TENM4: variants seen among roughly 807,000 people sequenced by gnomAD.
The protein encoded by TENM4 is teneurin transmembrane protein 4.
In TENM4, 82 loss-of-function variants were observed where a neutral mutation model predicts 243.3. The observed-to-expected ratio is 0.34, with a 90% CI of 0.28 to 0.40. TENM4 has a LOEUF of 0.40. Among genes scored for constraint, TENM4 ranks in the 10% least tolerant of loss-of-function variants. The probability of loss-of-function intolerance (pLI) is 1.00; values close to 1 mark genes in which losing one functional copy is unlikely to be tolerated. For missense variants in TENM4, 3,138 were observed against 3,673.3 expected (o/e 0.85, Z 3.77); for synonymous variants, 1,412 against 1,456.3 (o/e 0.97, Z 0.69).
In TENM4 at chr11:79,148,385, G is replaced by A. The variant is rs2135050462; in HGVS notation, c.-66+325C>T. On this transcript the variant is annotated intron_variant, in intron 4 of 33. Coordinates refer to ENST00000278550, the MANE Select transcript of TENM4 (RefSeq NM_001098816.3). ...GATACCAACCTCCAAACCAGTCCCT[G>A]CAAGTTTCCAAGAACAGGCCAGGGA... Among the ~76,000 whole-genome samples the A allele has an allele frequency of 2.6e-5, 4 of 152,168 alleles. No individual in the cohort carries two copies. In the South Asian group the frequency reaches 8.3e-4, roughly 32 times the overall value.
chr11:79,190,755 A>T (rs1863462967), intron 3 of TENM4, among the ~76,000 whole-genome samples: 1 of 150,836 alleles, frequency 6.6e-6, no homozygotes, highest in Admixed American at 6.6e-5. Flanking sequence ...ATTACAGTTT[A>T]AAAAATATTT....
At chr11:79,377,025 T>A (rs1857905938) in intron 1 of TENM4, among the ~76,000 whole-genome samples, 1 of 152,228 alleles carries the variant, frequency 6.6e-6, no homozygotes, top group South Asian at 2.1e-4. Flanking sequence ...GGTTGGAGAC[T>A]AAATGCTATC....
chr11:79,342,300 G>C (rs115278003), intron 1 of TENM4, among the ~76,000 whole-genome samples: 1 of 152,204 alleles, frequency 6.6e-6, no homozygotes, highest in Admixed American at 6.5e-5. Context: ...CATGGACCGC[G>C]ATGAGATGAG....
chr11:79,409,101 TGCGCGCGCGCGCGTGC>T lies in TENM4; in HGVS notation c.-321+31392_-321+31407del, dbSNP rs1344086754. Among the ~76,000 whole-genome samples, 5 of 103,676 alleles carry T rather than the reference TGCGCGCGCGCGCGTGC, an allele frequency of 4.8e-5. 1 individual carries two copies. The highest frequency in any genetic ancestry group is 2.5e-4 in the East Asian group (1 of 4,012). 68.0% of individuals were successfully genotyped at this position (103,676 alleles called of 152,430 possible). A position where few individuals can be genotyped will look rare whatever the true frequency, so the allele number is the denominator to read the frequency against. Reference sequence around the variant, plus strand: ...GTGTGTGTGTGTGTGTGTGTGTGTGTGCGCGCGCGCGCGTGCGTGCACGCGCACGCACATGCGTGAG... The same window carrying T: ...GTGTGTGTGTGTGTGTGTGTGTGTGTGTGCACGCGCACGCACATGCGTGAG... On this transcript the variant is annotated intron_variant, in intron 1 of 33. Transcript: ENST00000278550.
At chr11:78,835,862 G>T (rs781364250) in intron 12 of TENM4, among the ~76,000 whole-genome samples, 1 of 152,224 alleles carries the variant, frequency 6.6e-6, no homozygotes, top group Non-Finnish European at 1.5e-5. Flanking sequence ...CAGACTTGAA[G>T]ATCCACTAGG....
chr11:78,755,329 T>C (rs1188801233), intron 19 of TENM4, among the ~76,000 whole-genome samples: 1 of 152,148 alleles, frequency 6.6e-6, no homozygotes, highest in African/African-American at 2.4e-5. Flanking sequence ...CACACCCAAC[T>C]AATTTTTGTT....
Position 78,669,885 on chromosome 11 carries a change from C to A in TENM4, c.6460G>T (p.Val2154Leu). The part of the protein sequence containing the change: ...HFDAYGRMKE[V>L]QYEIFRSLMY... The stretch of plus-strand genomic sequence containing the variant: ...AGCGAGCGGAAGATCTCATACTGCA[C>A]TTCCTTCATCCTGCCATATGCATCA... The change falls in exon 32 of 34, where the codon GTG (valine) becomes TTG (leucine). Residue 2154 changes from valine (V) to leucine (L), a missense_variant. Transcript: ENST00000278550. This position sits in a 1 kb window ranked among gnomAD's most constrained non-coding sequence, Gnocchi z 6.4. 1 of 1,613,860 alleles carries A rather than the reference C, an allele frequency of 6.2e-7. No individual in the cohort carries two copies. Among genetic ancestry groups the A allele is most frequent in the Non-Finnish European group, 8.5e-7 (1 of 1,179,856 alleles).
intron 1 of TENM4, among the ~76,000 whole-genome samples, chr11:79,345,041 T>C (rs1301220543): frequency 6.6e-6 from 1 of 152,234 alleles, no homozygotes; most frequent in African/African-American, 2.4e-5. Flanking sequence ...ATGGATTCTA[T>C]TTACTGTAAT....
intron 1 of TENM4, among the ~76,000 whole-genome samples, chr11:79,337,814 G>A (rs914283825): frequency 1.3e-5 from 2 of 152,124 alleles, no homozygotes; most frequent in African/African-American, 2.4e-5. Flanking sequence ...TCTGCCCCAT[G>A]CCATCGAAGG....
intron 7 of TENM4, among the ~76,000 whole-genome samples, chr11:78,900,381 C>G (rs897608535): frequency 6.6e-6 from 1 of 152,126 alleles, no homozygotes; most frequent in Non-Finnish European, 1.5e-5. Context: ...GTGAATGGGC[C>G]ATCACTTGTA....
chr11:79,013,768 G>C (rs1858706740), intron 6 of TENM4, among the ~76,000 whole-genome samples: 1 of 152,164 alleles, frequency 6.6e-6, no homozygotes, highest in African/African-American at 2.4e-5. Flanking sequence ...AGACCAGGAA[G>C]TCCTAGAGGA....
intron 14 of TENM4, among the ~76,000 whole-genome samples, chr11:78,807,018 G>A (rs892492137): frequency 2.0e-5 from 3 of 152,060 alleles, no homozygotes; most frequent in East Asian, 1.9e-4. Flanking sequence ...GTTGTGGCAC[G>A]GCCAGAATTT....
Position 79,036,829 on chromosome 11 carries a change from G to A in TENM4, c.493+27909C>T, listed in dbSNP as rs540589247. Among the ~76,000 whole-genome samples, 1,016 of 152,098 alleles carry A rather than the reference G, an allele frequency of 6.7e-3. 6 individuals are homozygous for A. Among genetic ancestry groups the A allele is most frequent in the South Asian group, 0.028 (136 of 4,818 alleles). On this transcript the variant is annotated intron_variant, in intron 6 of 33. Coordinates refer to ENST00000278550, the MANE Select transcript of TENM4 (RefSeq NM_001098816.3). ...GATCAAGACCATCCTGGCTAACGTG[G>A]TGAAACCCTGTCTCTACTAAAAATA... is the stretch of plus-strand genomic sequence containing the variant.
In TENM4 at chr11:78,937,357, T is replaced by C. The variant is rs1166413821; in HGVS notation, c.494-33834A>G. 2.0e-5 allele frequency among the ~76,000 whole-genome samples: 3 copies of C among 152,178 alleles called. No homozygotes were observed. In the East Asian group the frequency reaches 5.8e-4, roughly 29 times the overall value. On this transcript the variant is annotated intron_variant, in intron 6 of 33. Coordinates refer to ENST00000278550, the MANE Select transcript of TENM4 (RefSeq NM_001098816.3). ...GGTGCTTTTCTGAACACAAGTCCTG[T>C]GAGAAGTTCCTGAGAAGGTTCCATG...
chr11:78,935,411 GTACTCCAATAACTT>G (rs1213567651), intron 6 of TENM4, among the ~76,000 whole-genome samples: 2 of 152,176 alleles, frequency 1.3e-5, no homozygotes, highest in Non-Finnish European at 2.9e-5. Flanking sequence ...TTTATTCCTT[GTACTCCAATAACTT>G]TACTCCAATA....
At chr11:79,397,225 C>G (rs559591402) in intron 1 of TENM4, among the ~76,000 whole-genome samples, 2 of 152,328 alleles carry the variant, frequency 1.3e-5, no homozygotes, top group East Asian at 3.9e-4. Context: ...ATGTACCAGG[C>G]AGTGTTCTCA....
At chr11:78,779,374 C>T (rs1204632486) in intron 16 of TENM4, among the ~76,000 whole-genome samples, 1 of 152,182 alleles carries the variant, frequency 6.6e-6, no homozygotes, top group African/African-American at 2.4e-5. Flanking sequence ...CTTCTCAATG[C>T]TTATTAACCC....
chr11:78,814,257 G>A (rs1857559462), intron 13 of TENM4, 37 bp downstream of exon 13: 3 of 1,540,862 alleles, frequency 1.9e-6, no homozygotes, highest in South Asian at 2.4e-5. Flanking sequence ...AGGGGTCTGG[G>A]AAGCAGAAAT....
At chr11:79,253,983 T>C (rs1855657347) in intron 2 of TENM4, among the ~76,000 whole-genome samples, 1 of 152,194 alleles carries the variant, frequency 6.6e-6, no homozygotes, top group Non-Finnish European at 1.5e-5. Flanking sequence ...ACAGTGAAAT[T>C]ACATTCTTTT....
Sources: allele counts gnomAD v4.1 joint callset (sites outside exome capture counted in the v4.1 genomes callset), GRCh38; gene constraint gnomAD v4.1.1; non-coding constraint Gnocchi (gnomAD v3.1); transcripts MANE v1.5; gene names NCBI Gene and HGNC (gene_info 2026-07-23, HGNC 2026-07-21).